Variants in ZNF532 observed in about 807,000 individuals in gnomAD.
The protein encoded by ZNF532 is zinc finger protein 532.
Under a neutral mutation model 89.3 loss-of-function variants are expected in ZNF532, and 22 were observed. The ratio of observed to expected loss-of-function variants is 0.25; its 90% CI spans 0.18 to 0.35. The LOEUF (loss-of-function observed/expected upper bound fraction) is 0.35, where lower values mean the gene tolerates loss of function less well. Among genes scored for constraint, ZNF532 ranks in the 10% least tolerant of loss-of-function variants. The pLI is 1.00. For synonymous variants in ZNF532, 606 were observed against 649.6 expected, an observed-to-expected ratio of 0.93 and a Z score of 1.02; for missense variants, 1,132 against 1,643.4, an observed-to-expected ratio of 0.69 and a Z score of 5.38.
intron 7 of ZNF532, among the ~76,000 whole-genome samples, chr18:58,969,109 G>A (rs915621410): frequency 1.3e-5 from 2 of 152,122 alleles, no homozygotes; most frequent in Non-Finnish European, 2.9e-5. Context: ...TTTTAAGTTG[G>A]GAAAACTTCA....
At chr18:58,972,682 CTCAT>C (rs1162986183) in intron 7 of ZNF532, among the ~76,000 whole-genome samples, 2 of 152,112 alleles carry the variant, frequency 1.3e-5, no homozygotes, top group African/African-American at 2.4e-5. Flanking sequence ...TGTCTCCCTG[CTCAT>C]TCATTCATCG....
chr18:58,888,851 ATAATTTAT>A (rs1328019066), intron 2 of ZNF532, among the ~76,000 whole-genome samples: 1 of 47,084 alleles, frequency 2.1e-5, no homozygotes, highest in Non-Finnish European at 3.6e-5. Flanking sequence ...TTATATATAT[ATAATTTAT>A]ATATATATAA....
intron 3 of ZNF532, among the ~76,000 whole-genome samples, chr18:58,928,878 G>A (rs953905592): frequency 2.0e-5 from 3 of 152,176 alleles, no homozygotes; most frequent in South Asian, 2.1e-4. Context: ...GAGGACTGTC[G>A]TTTGAATAAT....
At chr18:58,890,566 C>T (rs1343733232) in intron 2 of ZNF532, among the ~76,000 whole-genome samples, 2 of 151,408 alleles carry the variant, frequency 1.3e-5, no homozygotes, top group Non-Finnish European at 1.5e-5. Context: ...GAATTCTTTT[C>T]CCTCTGTCCT....
chr18:58,899,633 T>G (rs1165074714), intron 2 of ZNF532, among the ~76,000 whole-genome samples: 4 of 152,038 alleles, frequency 2.6e-5, no homozygotes, highest in African/African-American at 9.7e-5. Context: ...CACGCCCAGC[T>G]TATTTTTGTA....
chr18:58,895,353 A>T lies in ZNF532; in HGVS notation c.-17-22918A>T, dbSNP rs142367650. ...TTAGGGAAAAGAGAGTCCAGAGGTCAGATAGATTTGATAAGTATTTTATGC... is the reference window on the plus strand; with the variant it reads ...TTAGGGAAAAGAGAGTCCAGAGGTCTGATAGATTTGATAAGTATTTTATGC... On this transcript the variant is annotated intron_variant, in intron 2 of 9. Transcript: ENST00000591808. Among the ~76,000 whole-genome samples the T allele has an allele frequency of 3.3e-5, 5 of 152,364 alleles. No individual in the cohort carries two copies. In the East Asian group the frequency reaches 9.6e-4, roughly 29 times the overall value.
chr18:58,903,169 G>C (rs2059709529), intron 2 of ZNF532, among the ~76,000 whole-genome samples: 1 of 152,140 alleles, frequency 6.6e-6, no homozygotes, highest in Non-Finnish European at 1.5e-5. Context: ...GGAAATTGAG[G>C]CTCTTCCTTC....
chr18:58,970,244 CT>C (rs1223742024), intron 7 of ZNF532, among the ~76,000 whole-genome samples: 3 of 152,102 alleles, frequency 2.0e-5, no homozygotes, highest in African/African-American at 7.2e-5. Flanking sequence ...TCACAGTGAC[CT>C]TTTTCTGTTT....
At chr18:58,886,865 T>C (rs1024776880) in intron 2 of ZNF532, among the ~76,000 whole-genome samples, 1 of 152,236 alleles carries the variant, frequency 6.6e-6, no homozygotes, top group African/African-American at 2.4e-5. Context: ...GGTTTTTTTC[T>C]ATATGGATTT....
intron 8 of ZNF532, chr18:58,979,472 C>T (rs2067462706): frequency 5.9e-6 from 1 of 169,772 alleles, no homozygotes; most frequent in Non-Finnish European, 1.3e-5. Context: ...ACTGCAACCT[C>T]TGCCTCCCAG....
intron 2 of ZNF532, among the ~76,000 whole-genome samples, chr18:58,910,158 C>A (rs1177054536): frequency 6.6e-6 from 1 of 152,192 alleles, no homozygotes; most frequent in African/African-American, 2.4e-5. Context: ...AAGGTCACAT[C>A]TTGTAATTCT....
At chr18:58,893,841 G>A (rs1293868962) in intron 2 of ZNF532, among the ~76,000 whole-genome samples, 1 of 152,176 alleles carries the variant, frequency 6.6e-6, no homozygotes, top group East Asian at 1.9e-4. Context: ...GCCAGAGAGA[G>A]CAGTGGTTAC....
intron 5 of ZNF532, among the ~76,000 whole-genome samples, chr18:58,945,622 G>T (rs572981405): frequency 6.6e-6 from 1 of 152,348 alleles, no homozygotes; most frequent in East Asian, 1.9e-4. Context: ...CTGTGGCATA[G>T]CTGTGAAATA....
In ZNF532 at chr18:58,942,092, A is replaced by G. The variant is rs191823095; in HGVS notation, c.2705+2471A>G. The stretch of plus-strand genomic sequence containing the variant: ...GGCTGGAGTGCAGTGGCACGATCTC[A>G]GCTCACTGCAAGCTCCACCTCCCGA... On this transcript the variant is annotated intron_variant, in intron 5 of 9. Transcript: ENST00000591808. 5.9e-3 allele frequency among the ~76,000 whole-genome samples: 806 copies of G among 137,726 alleles called. 9 individuals are homozygous for G. Among genetic ancestry groups the G allele is most frequent in the East Asian group, 0.056 (263 of 4,702 alleles). 90.4% of individuals were successfully genotyped at this position (137,726 alleles called of 152,430 possible).
chr18:58,866,986 T>C (rs1323211488), intron 2 of ZNF532, among the ~76,000 whole-genome samples: 2 of 152,260 alleles, frequency 1.3e-5, no homozygotes, highest in African/African-American at 4.8e-5. Context: ...AGAGGTTCTG[T>C]GTATGAGTGT....
At chr18:58,943,864 AAATG>A (rs1370111290) in intron 5 of ZNF532, among the ~76,000 whole-genome samples, 2 of 152,150 alleles carry the variant, frequency 1.3e-5, no homozygotes, top group African/African-American at 4.8e-5. Context: ...TGCAATTTCT[AAATG>A]TATGTAAGTG....
chr18:58,923,043 G>T (rs959621776), intron 3 of ZNF532, among the ~76,000 whole-genome samples: 1 of 152,178 alleles, frequency 6.6e-6, no homozygotes, highest in Admixed American at 6.5e-5. Flanking sequence ...GCTGGGACGA[G>T]TACGCAGGTC....
rs761224418 is a variant in ZNF532, at chr18:58,919,282, C to T, written c.995C>T (p.Pro332Leu). 25 of 1,613,976 alleles carry T rather than the reference C, an allele frequency of 1.5e-5. No individual in the cohort carries two copies. Among genetic ancestry groups the T allele is most frequent in the South Asian group, 7.7e-5 (7 of 91,088 alleles). The change falls in exon 3 of 10, where the codon CCG becomes CTG. Residue 332 changes from proline (P) to leucine (L), a missense_variant. Around this residue, in one of 9 missense-constraint regions of ZNF532, gnomAD observed 124 missense variants for 191.6 expected, o/e 0.65. Coordinates refer to ENST00000591808, the MANE Select transcript of ZNF532 (RefSeq NM_001375912.1). This position sits in a 1 kb window ranked among gnomAD's most constrained non-coding sequence, Gnocchi z 6.1. ...ACCAAAAAACCATCCCTGAAGCAAC[C>T]GGATAGTCCCAGAAGCATCTCAAGT... ...DGTKKPSLKQ[P>L]DSPRSISSEN... is the part of the protein sequence containing the mutation.
intron 5 of ZNF532, 59 bp downstream of exon 5, chr18:58,939,680 G>A: frequency 6.7e-7 from 1 of 1,495,826 alleles, no homozygotes; most frequent in Non-Finnish European, 9.1e-7. Flanking sequence ...TTAGAAGCAA[G>A]GTAGTAGTCG....
Sources: allele counts gnomAD v4.1 joint callset (sites outside exome capture counted in the v4.1 genomes callset), GRCh38; gene constraint gnomAD v4.1.1; regional missense constraint gnomAD v4.1.1; non-coding constraint Gnocchi (gnomAD v3.1); transcripts MANE v1.5; gene names NCBI Gene and HGNC (gene_info 2026-07-23, HGNC 2026-07-21).